Variants in RIMS1 observed in about 807,000 individuals in gnomAD.
RIMS1 encodes regulating synaptic membrane exocytosis 1.
In RIMS1, 83 loss-of-function variants were observed where a neutral mutation model predicts 214.1. That is an observed-to-expected ratio of 0.39 (90% CI 0.32 to 0.47). The LOEUF (loss-of-function observed/expected upper bound fraction) is 0.47. RIMS1 is among the 20% of genes least tolerant of loss of function. The probability of loss-of-function intolerance (pLI) is 0.99; values close to 1 mark genes in which losing one functional copy is unlikely to be tolerated. For missense variants in RIMS1, 2,050 were observed against 2,161.8 expected (o/e 0.95, Z 1.03); for synonymous variants, 793 against 786.8 (o/e 1.01, Z -0.13).
At chr6:72,046,033 T>C (rs546030) in intron 2 of RIMS1, among the ~76,000 whole-genome samples, 87,602 of 151,642 alleles carry the variant, frequency 0.58, 26,249 homozygotes, top group African/African-American at 0.75. Flanking sequence ...CATAATTTTC[T>C]TTTAAAAAAT....
chr6:71,959,298 C>T (rs72932166), intron 1 of RIMS1, among the ~76,000 whole-genome samples: 8,164 of 152,114 alleles, frequency 0.054, 315 homozygotes, highest in Non-Finnish European at 0.079. Flanking sequence ...TAATGCTTTT[C>T]CAAGTTCCAT....
At chr6:72,395,537 G>A (rs1304029650) in intron 31 of RIMS1, among the ~76,000 whole-genome samples, 2 of 152,036 alleles carry the variant, frequency 1.3e-5, no homozygotes, top group African/African-American at 4.8e-5. Context: ...AGACAGAGTT[G>A]AGGAGAGAAT....
intron 2 of RIMS1, among the ~76,000 whole-genome samples, chr6:72,092,588 T>A (rs771245763): frequency 6.6e-6 from 1 of 152,084 alleles, no homozygotes; most frequent in Non-Finnish European, 1.5e-5. Context: ...AAAAGGAATT[T>A]CTAAAGCACA....
chr6:71,894,631 A>T (rs1245137833), intron 1 of RIMS1, among the ~76,000 whole-genome samples: 1 of 152,216 alleles, frequency 6.6e-6, no homozygotes, highest in East Asian at 1.9e-4. Flanking sequence ...CCTGCAGTTT[A>T]CCAAAGACAT....
At chr6:71,965,890 G>C (rs2151305192) in intron 1 of RIMS1, among the ~76,000 whole-genome samples, 1 of 152,260 alleles carries the variant, frequency 6.6e-6, no homozygotes, top group Admixed American at 6.5e-5. Flanking sequence ...GAATTACAGA[G>C]ACAGACCCCT....
At chr6:72,074,212 G>A (rs1387702660) in intron 2 of RIMS1, among the ~76,000 whole-genome samples, 2 of 152,128 alleles carry the variant, frequency 1.3e-5, no homozygotes, top group African/African-American at 4.8e-5. Flanking sequence ...ATATGCTAAA[G>A]GGATTCATGA....
In RIMS1 at chr6:72,245,847, C is replaced by A; in HGVS notation, c.2114C>A (p.Pro705His). 6.2e-7 allele frequency: 1 copy of A among 1,606,522 alleles called. No homozygotes were observed. Among genetic ancestry groups the A allele is most frequent in the Non-Finnish European group, 8.5e-7 (1 of 1,173,244 alleles). Residue 705 changes from proline (P) to histidine (H), a missense_variant, in exon 11 of 34, where the codon CCT (proline) becomes CAT (histidine). By Grantham distance (77) the Pro-to-His change is moderately conservative. This residue lies in a region of RIMS1 where 111 missense variants were observed against 166.2 expected (regional missense o/e 0.67). Coordinates refer to ENST00000521978, the MANE Select transcript of RIMS1 (RefSeq NM_014989.7). ...DIPRIPESSH[P>H]PLESSSSSFE... ...CCCCGGATTCCTGAGAGCTCCCACC[C>A]TCCACTGGAGTCCAGTGAGTATAAG...
At chr6:72,399,717 T>A (rs935084317) in intron 33 of RIMS1, among the ~76,000 whole-genome samples, 1 of 152,178 alleles carries the variant, frequency 6.6e-6, no homozygotes, top group Non-Finnish European at 1.5e-5. Flanking sequence ...TTCACAAAAT[T>A]ACTCAGTAAA....
intron 26 of RIMS1, among the ~76,000 whole-genome samples, chr6:72,303,936 A>G (rs1426705038): frequency 6.6e-6 from 1 of 151,654 alleles, no homozygotes; most frequent in Non-Finnish European, 1.5e-5. Flanking sequence ...CACAAAATCT[A>G]TAATTAATGC....
At chr6:72,272,837 T>G (rs1372794030) in intron 22 of RIMS1, among the ~76,000 whole-genome samples, 1 of 152,150 alleles carries the variant, frequency 6.6e-6, no homozygotes, top group Non-Finnish European at 1.5e-5. Flanking sequence ...GTAATTCTTT[T>G]CCAATTATTT....
chr6:72,106,890 A>T (rs2034858993), intron 4 of RIMS1, among the ~76,000 whole-genome samples: 2 of 152,240 alleles, frequency 1.3e-5, no homozygotes, highest in Admixed American at 6.5e-5. Flanking sequence ...TATGCGTCAT[A>T]TGCAGATTAA....
At chr6:72,290,656 C>CT in intron 24 of RIMS1, 23 bp from the exon 25 acceptor site, 1 of 1,603,122 alleles carries the variant, frequency 6.2e-7, no homozygotes. Context: ...GACTGAAGAT[C>CT]TTTTTTGGCC....
chr6:72,156,640 G>A (rs78695200), intron 4 of RIMS1, among the ~76,000 whole-genome samples: 21,463 of 139,454 alleles, frequency 0.15, 5,313 homozygotes, highest in South Asian at 0.24. Context: ...CCACACAGGC[G>A]GAGAAAAGAT....
At chr6:71,975,410 A>G (rs571217943) in intron 2 of RIMS1, among the ~76,000 whole-genome samples, 1 of 152,324 alleles carries the variant, frequency 6.6e-6, no homozygotes, top group East Asian at 1.9e-4. Flanking sequence ...GAAAATCCAG[A>G]AAGAGAATAT....
intron 6 of RIMS1, among the ~76,000 whole-genome samples, chr6:72,204,474 A>G (rs1376234628): frequency 6.6e-6 from 1 of 152,164 alleles, no homozygotes; most frequent in Non-Finnish European, 1.5e-5. Context: ...TATTTCCTGT[A>G]TTTCACACTT....
At chr6:72,297,795 C>T (rs2094240884) in intron 26 of RIMS1, among the ~76,000 whole-genome samples, 1 of 151,938 alleles carries the variant, frequency 6.6e-6, no homozygotes, top group East Asian at 1.9e-4. Flanking sequence ...GCTCTCAAAA[C>T]TTTGAAAGAA....
At chr6:72,382,847 C>A (rs966305610) in intron 29 of RIMS1, among the ~76,000 whole-genome samples, 2 of 152,226 alleles carry the variant, frequency 1.3e-5, no homozygotes, top group Non-Finnish European at 2.9e-5. Flanking sequence ...TACCTCTACA[C>A]AGAGTTAAAA....
intron 2 of RIMS1, among the ~76,000 whole-genome samples, chr6:72,050,022 A>C (rs1292145778): frequency 6.6e-6 from 1 of 152,146 alleles, no homozygotes; most frequent in African/African-American, 2.4e-5. Flanking sequence ...CTTAGGGAAA[A>C]GGAAAAATGA....
At chr6:72,211,192 C>T (rs549001982) in intron 6 of RIMS1, among the ~76,000 whole-genome samples, 6 of 152,152 alleles carry the variant, frequency 3.9e-5, no homozygotes, top group South Asian at 2.1e-4. Flanking sequence ...ATATATTTGC[C>T]CTCTTCTGTC....
Sources: gnomAD v4.1 joint callset for allele counts (sites outside exome capture counted in the v4.1 genomes callset) on GRCh38, gnomAD v4.1.1 for gene constraint, gnomAD v4.1.1 regional missense constraint, MANE v1.5 for transcripts, NCBI Gene and HGNC (gene_info 2026-07-23, HGNC 2026-07-21) for gene names.